The following CYB5D2 variants were observed in gnomAD, a reference collection of about 807,000 sequenced individuals.
The protein encoded by CYB5D2 is cytochrome b5 domain containing 2.
CYB5D2 carries 23 observed loss-of-function variants against 22.8 expected under a neutral mutation model. That is an observed-to-expected ratio of 1.01 (90% CI 0.73 to 1.43). The LOEUF is 1.43. Ranked by LOEUF, CYB5D2 falls within the 40% of genes most tolerant of loss-of-function variation. The probability of loss-of-function intolerance (pLI) is 0.00; values close to 1 mark genes in which losing one functional copy is unlikely to be tolerated. For missense variants in CYB5D2, 373 were observed against 357.2 expected (o/e 1.04, Z -0.36); for synonymous variants, 170 against 152.2 (o/e 1.12, Z -0.86).
rs1392745803 is a variant in CYB5D2, at chr17:4,157,658, T to C, written c.*576T>C. ...TTCCCAGCTCTAACAAGGTAACTGG[T>C]TAGCATGACATTAAAGCTTGGGCAA... On this transcript the variant is annotated 3_prime_UTR_variant, in exon 4 of 4. Transcript: ENST00000301391. The surrounding 1 kb of genome is among the most constrained non-coding windows in gnomAD (Gnocchi z 4.4). 1.9e-5 allele frequency: 3 copies of C among 156,334 alleles called. No homozygotes were observed. Among genetic ancestry groups the C allele is most frequent in the Admixed American group, 1.9e-4 (3 of 15,772 alleles). The allele number at this position is 156,334 out of a possible 1,614,324, so 9.7% of individuals were successfully genotyped here.
intron 1 of CYB5D2, among the ~76,000 whole-genome samples, chr17:4,148,516 CAAAAA>C (rs34632039): frequency 9.7e-6 from 1 of 102,634 alleles, no homozygotes; most frequent in Non-Finnish European, 2.1e-5. Flanking sequence ...GACTCAGTCT[CAAAAA>C]AAAAAAAAAA....
At chr17:4,156,249 G>A (rs1344722035) in intron 3 of CYB5D2, among the ~76,000 whole-genome samples, 1 of 152,270 alleles carries the variant, frequency 6.6e-6, no homozygotes, top group Non-Finnish European at 1.5e-5. Context: ...GCCCAAGATA[G>A]GAGGGTGCTC....
intron 3 of CYB5D2, among the ~76,000 whole-genome samples, chr17:4,155,739 C>T (rs1325943795): frequency 5.3e-5 from 8 of 152,192 alleles, no homozygotes; most frequent in African/African-American, 7.2e-5. Context: ...AGGAGGCCTG[C>T]GTGCGTTCAG....
chr17:4,154,329 C>G (rs1460922658), intron 2 of CYB5D2, among the ~76,000 whole-genome samples: 1 of 152,198 alleles, frequency 6.6e-6, no homozygotes, highest in African/African-American at 2.4e-5. Context: ...ATTCATTCAT[C>G]AAACATTAAT....
At chr17:4,148,460 T>C (rs2059017090) in intron 1 of CYB5D2, among the ~76,000 whole-genome samples, 2 of 148,514 alleles carry the variant, frequency 1.3e-5, no homozygotes, top group African/African-American at 2.5e-5. Flanking sequence ...GAGGTTGCAT[T>C]GAGCTGAGAT....
chr17:4,149,685 G>A (rs558507719), intron 1 of CYB5D2, among the ~76,000 whole-genome samples: 8 of 152,276 alleles, frequency 5.3e-5, no homozygotes, highest in South Asian at 2.1e-4. Context: ...TGTAATCCCC[G>A]CTACTCTGGA....
chr17:4,151,564 G>A (rs2059058004), intron 2 of CYB5D2, among the ~76,000 whole-genome samples: 1 of 151,916 alleles, frequency 6.6e-6, no homozygotes, highest in Admixed American at 6.6e-5. Context: ...GCAGGTGCCT[G>A]TAATCCCAGC....
intron 3 of CYB5D2, 105 bp downstream of exon 3, chr17:4,154,965 G>A: frequency 7.9e-7 from 1 of 1,261,230 alleles, no homozygotes; most frequent in Admixed American, 2.9e-5. Context: ...GTTAACCCTG[G>A]GGAGCTTTTT....
At position 4,157,348 on chromosome 17, in the gene CYB5D2, GAT is replaced by G; in HGVS notation, c.*269_*270del. 1.9e-6 allele frequency: 1 copy of G among 533,282 alleles called. No homozygotes were observed. The highest frequency in any genetic ancestry group is 3.4e-6 in the Non-Finnish European group (1 of 296,314). 33.0% of individuals were successfully genotyped at this position (533,282 alleles called of 1,614,324 possible). A position where few individuals can be genotyped will look rare whatever the true frequency, so the allele number is the denominator to read the frequency against. On this transcript the variant is annotated 3_prime_UTR_variant, in exon 4 of 4. Transcript: ENST00000301391. This position sits in a 1 kb window ranked among gnomAD's most constrained non-coding sequence, Gnocchi z 4.4. The stretch of plus-strand genomic sequence containing the variant: ...CTGGCCATCTTCCTCACAGCCCTCA[GAT>G]ATCAACGGGCACAAATAAGACCAAC...
intron 3 of CYB5D2, among the ~76,000 whole-genome samples, chr17:4,155,237 C>T (rs2059101677): frequency 6.6e-6 from 1 of 152,142 alleles, no homozygotes; most frequent in African/African-American, 2.4e-5. Flanking sequence ...TCCTGTTTGA[C>T]AGCACAAATC....
intron 1 of CYB5D2, among the ~76,000 whole-genome samples, chr17:4,147,423 T>C (rs1423490449): frequency 1.3e-5 from 2 of 152,224 alleles, no homozygotes; most frequent in Non-Finnish European, 2.9e-5. Flanking sequence ...AGACAGACAT[T>C]AAATAGATAT....
intron 3 of CYB5D2, 69 bp from the exon 4 acceptor site, chr17:4,156,797 C>T: frequency 6.5e-7 from 1 of 1,537,046 alleles, no homozygotes; most frequent in Admixed American, 1.8e-5. Flanking sequence ...CTCTCTGCTT[C>T]CTGCTCTCCC....
rs889383732 is a variant in CYB5D2 at position 4,146,062 on chromosome 17, T to C, written c.250+2057T>C. Reference sequence around the variant, plus strand: ...GATTCAGCCGCTGAAAGTGTTGGGATTACAGGTGTGAGCCACTGCCCCCAA... The same window carrying C: ...GATTCAGCCGCTGAAAGTGTTGGGACTACAGGTGTGAGCCACTGCCCCCAA... On this transcript the variant is annotated intron_variant, in intron 1 of 3. Transcript: ENST00000301391. Among the ~76,000 whole-genome samples, 5 of 151,932 alleles carry C rather than the reference T, an allele frequency of 3.3e-5. No individual in the cohort carries two copies. The East Asian group carries it at 9.7e-4, about 29-fold the overall frequency.
chr17:4,150,710 C>G (rs560322202), intron 2 of CYB5D2, among the ~76,000 whole-genome samples: 2 of 152,262 alleles, frequency 1.3e-5, no homozygotes, highest in South Asian at 4.1e-4. Flanking sequence ...CATGGTGAAA[C>G]CCTGTCTCTA....
In CYB5D2 at chr17:4,146,915, A is replaced by G. The variant is rs77134248; in HGVS notation, c.250+2910A>G. Among the ~76,000 whole-genome samples, 743 of 152,056 alleles carry G rather than the reference A, an allele frequency of 4.9e-3. 5 individuals carry two copies. The highest frequency in any genetic ancestry group is 0.017 in the African/African-American group (723 of 41,464). On this transcript the variant is annotated intron_variant, in intron 1 of 3. Transcript: ENST00000301391. ...TTGTGTCTGGCTTCTTTCACCTAGCATCATGTTTTAAGGGTTCATCCATGG... is the reference window on the plus strand; with the variant it reads ...TTGTGTCTGGCTTCTTTCACCTAGCGTCATGTTTTAAGGGTTCATCCATGG...
chr17:4,144,177 G>A, intron 1 of CYB5D2, among the ~76,000 whole-genome samples, 172 bp downstream of exon 1: 1 of 152,066 alleles, frequency 6.6e-6, no homozygotes, highest in East Asian at 1.9e-4. Flanking sequence ...TAGGCTCTCT[G>A]GCTCTGGCGG....
chr17:4,154,983 C>G, intron 3 of CYB5D2, 123 bp downstream of exon 3: 1 of 1,043,670 alleles, frequency 9.6e-7, no homozygotes, highest in South Asian at 1.7e-5. Context: ...TTTCAAAATA[C>G]TGATAATAAT....
rs1342423375 is a variant in CYB5D2 at position 4,143,909 on chromosome 17, G to C, written c.154G>C (p.Asp52His). The part of the protein sequence containing the change: ...ELSRYRGGPG[D>H]PGLYLALLGR... ...GTCTCGCTACCGCGGCGGCCCAGGG[G>C]ACCCGGGCCTGTACTTGGCGTTGCT... Residue 52 changes from aspartate to histidine, a missense_variant, in exon 1 of 4, where the codon GAC becomes CAC. Transcript: ENST00000301391. The C allele has an allele frequency of 1.2e-6, 2 of 1,613,716 alleles. No individual in the cohort carries two copies. Among genetic ancestry groups the C allele is most frequent in the East Asian group, 2.2e-5 (1 of 44,878 alleles).
chr17:4,145,080 C>A (rs1227154499), intron 1 of CYB5D2, among the ~76,000 whole-genome samples: 1 of 152,128 alleles, frequency 6.6e-6, no homozygotes, highest in East Asian at 1.9e-4. Flanking sequence ...GCCACCACAC[C>A]CGGCCAGCCT....
Sources: gnomAD v4.1 joint callset for allele counts (sites outside exome capture counted in the v4.1 genomes callset) on GRCh38, gnomAD v4.1.1 for gene constraint, Gnocchi (gnomAD v3.1) non-coding constraint, MANE v1.5 for transcripts, NCBI Gene and HGNC (gene_info 2026-07-23, HGNC 2026-07-21) for gene names.